The following KIF15 variants were observed in gnomAD, a reference collection of about 807,000 sequenced individuals.
KIF15 encodes the protein kinesin family member 15.
In KIF15, 140 loss-of-function variants were observed where a neutral mutation model predicts 190.6. The ratio of observed to expected loss-of-function variants is 0.73; its 90% CI spans 0.64 to 0.84. KIF15 has a LOEUF of 0.84. Among genes scored for constraint, KIF15 ranks in the 40% least tolerant of loss-of-function variants. The pLI is 0.00. For missense variants in KIF15, 1,372 were observed against 1,584.4 expected (o/e 0.87, Z 2.28); for synonymous variants, 528 against 551.3 (o/e 0.96, Z 0.59).
At chr3:44,865,708 A>T (rs1272286981) in intron 6 of KIF15, 1 of 156,316 alleles carries the variant, frequency 6.4e-6, no homozygotes, top group Non-Finnish European at 1.4e-5. Context: ...CTTTGGAGTA[A>T]GAGGGAGCCA....
At position 44,833,039 on chromosome 3, in the gene KIF15, G is replaced by GT. The variant is rs202219418; in HGVS notation, c.3171+2022dup. Reference sequence around the variant, plus strand: ...AAAAAAAAAAAAAAAGAAGATTAAAGTAGACAACAAAAATTAGAATAAAAG... The same window carrying GT: ...AAAAAAAAAAAAAAAGAAGATTAAAGTTAGACAACAAAAATTAGAATAAAAG... On this transcript the variant is annotated intron_variant, in intron 26 of 34. Coordinates refer to ENST00000326047, the MANE Select transcript of KIF15 (RefSeq NM_020242.3). 5.2e-4 allele frequency among the ~76,000 whole-genome samples: 78 copies of GT among 149,716 alleles called. No homozygotes were observed. In the East Asian group the frequency reaches 0.014, roughly 27 times the overall value.
chr3:44,866,856 C>G (rs986191392), intron 6 of KIF15, among the ~76,000 whole-genome samples: 1 of 152,218 alleles, frequency 6.6e-6, no homozygotes, highest in East Asian at 1.9e-4. Flanking sequence ...GTCAGCCATT[C>G]TCAAATCCAC....
intron 6 of KIF15, chr3:44,864,981 G>T (rs1279911804): frequency 8.7e-6 from 14 of 1,604,722 alleles, no homozygotes; most frequent in Non-Finnish European, 1.2e-5. Flanking sequence ...AGTCCCAGGA[G>T]AGTGAGGTTG....
chr3:44,802,790 G>A (rs1707337463), intron 13 of KIF15, 24 bp from the exon 14 acceptor site: 3 of 1,522,868 alleles, frequency 2.0e-6, no homozygotes, highest in Non-Finnish European at 1.8e-6. Context: ...AATATATAAT[G>A]CGTGTAATTC....
chr3:44,779,970 G>A (rs1706089877), intron 4 of KIF15, among the ~76,000 whole-genome samples: 1 of 152,116 alleles, frequency 6.6e-6, no homozygotes. Context: ...TAGTTTTGGG[G>A]GGCATTTAAT....
At position 44,772,376 on chromosome 3, in the gene KIF15, A is replaced by G. The variant is rs146475467; in HGVS notation, c.20-2019A>G. ...AAATGGAATCCATGGAGACTTTTCT[A>G]TTTTTCCCAAGGAGTCTCAGGCCAT... is the stretch of plus-strand genomic sequence containing the variant. On this transcript the variant is annotated intron_variant, in intron 1 of 34. Coordinates refer to ENST00000326047, the MANE Select transcript of KIF15 (RefSeq NM_020242.3). Among the ~76,000 whole-genome samples, 329 of 152,208 alleles carry G rather than the reference A, an allele frequency of 2.2e-3. 1 individual carries two copies. The highest frequency in any genetic ancestry group is 3.5e-3 in the Non-Finnish European group (235 of 68,002).
intron 19 of KIF15, among the ~76,000 whole-genome samples, chr3:44,813,869 C>T (rs1415198525): frequency 4.6e-5 from 7 of 152,124 alleles, no homozygotes; most frequent in Non-Finnish European, 8.8e-5. Flanking sequence ...CCACCCACCT[C>T]GGCCTCCCAA....
intron 20 of KIF15, among the ~76,000 whole-genome samples, chr3:44,821,194 T>A (rs1258715172): frequency 3.6e-5 from 4 of 111,066 alleles, no homozygotes; most frequent in African/African-American, 1.4e-4. Context: ...CACTTCCCAG[T>A]AGGGGCGGCT....
intron 6 of KIF15, 54 bp from the exon 7 acceptor site, chr3:44,786,341 A>T: frequency 7.0e-7 from 1 of 1,424,960 alleles, no homozygotes; most frequent in South Asian, 1.5e-5. Context: ...GCTCATGAAA[A>T]CTAGGTATGA....
intron 7 of KIF15, among the ~76,000 whole-genome samples, chr3:44,789,645 TATATATATATATATATATATATATA>T (rs1706579606): frequency 3.3e-4 from 1 of 3,026 alleles, no homozygotes; most frequent in Non-Finnish European, 5.6e-4. Flanking sequence ...TCTAATTTTA[TATATATATATATATATATATATATA>T]TATATATATA....
intron 30 of KIF15, among the ~76,000 whole-genome samples, chr3:44,843,595 G>A (rs1007300415): frequency 1.3e-5 from 2 of 152,182 alleles, no homozygotes; most frequent in African/African-American, 4.8e-5. Flanking sequence ...GCTTTGCTTC[G>A]TAACTCATGG....
chr3:44,772,927 G>A (rs1007574901), intron 1 of KIF15, among the ~76,000 whole-genome samples: 4 of 152,084 alleles, frequency 2.6e-5, no homozygotes, highest in Non-Finnish European at 4.4e-5. Flanking sequence ...CCAGTTTGCC[G>A]GGCTGGTTTG....
chr3:44,762,436 TTCTCTTTTTCA>T (rs2125884923), intron 1 of KIF15, among the ~76,000 whole-genome samples: 1 of 152,360 alleles, frequency 6.6e-6, no homozygotes, highest in Admixed American at 6.5e-5. Flanking sequence ...TCCGATTTCT[TTCTCTTTTTCA>T]CGGAGGAGAG....
chr3:44,818,796 T>C (rs1390598039), intron 20 of KIF15, among the ~76,000 whole-genome samples: 1 of 152,226 alleles, frequency 6.6e-6, no homozygotes, highest in East Asian at 1.9e-4. Flanking sequence ...TTCTATTGAT[T>C]GGAATAGTTT....
intron 20 of KIF15, among the ~76,000 whole-genome samples, chr3:44,815,712 GTTTATTC>G (rs1176348829): frequency 2.0e-5 from 3 of 152,148 alleles, no homozygotes; most frequent in African/African-American, 7.2e-5. Context: ...CATCTAAATA[GTTTATTC>G]TTTGTTATTT....
chr3:44,806,202 C>G (rs985789343), intron 16 of KIF15, among the ~76,000 whole-genome samples: 2 of 152,192 alleles, frequency 1.3e-5, no homozygotes, highest in African/African-American at 4.8e-5. Context: ...CATTTGCAAT[C>G]AAATTCGAAT....
chr3:44,821,383 C>A (rs1196308947), intron 20 of KIF15, among the ~76,000 whole-genome samples: 1 of 151,000 alleles, frequency 6.6e-6, no homozygotes, highest in African/African-American at 2.4e-5. Flanking sequence ...GGCTTCCGGG[C>A]GGAGGGGCTC....
At position 44,830,755 on chromosome 3, in the gene KIF15, C is replaced by G. The variant is rs756982302; in HGVS notation, c.3049-141C>G. 311 of 800,224 alleles carry G rather than the reference C, an allele frequency of 3.9e-4. 1 individual carries two copies. Among genetic ancestry groups the G allele is most frequent in the Non-Finnish European group, 4.6e-4 (243 of 525,336 alleles). The allele number at this position is 800,224 out of a possible 1,614,324, so 49.6% of individuals were successfully genotyped here. A position where few individuals can be genotyped will look rare whatever the true frequency, so the allele number is the denominator to read the frequency against. Reference sequence around the variant, plus strand: ...CTTCACCATTCATGCACTTATTCTTCTATTCCTTCAGTCAGCAAGTATTTA... The same window carrying G: ...CTTCACCATTCATGCACTTATTCTTGTATTCCTTCAGTCAGCAAGTATTTA... On this transcript the variant is annotated intron_variant, in intron 25 of 34. Coordinates refer to ENST00000326047, the MANE Select transcript of KIF15 (RefSeq NM_020242.3).
intron 24 of KIF15, among the ~76,000 whole-genome samples, chr3:44,829,344 G>A (rs1226856066): frequency 1.2e-4 from 18 of 148,040 alleles, no homozygotes; most frequent in South Asian, 4.2e-4. Context: ...GCAACACAGC[G>A]AGACTCCATC....
Sources: gnomAD v4.1 joint callset for allele counts (sites outside exome capture counted in the v4.1 genomes callset) on GRCh38, gnomAD v4.1.1 for gene constraint, MANE v1.5 for transcripts, NCBI Gene and HGNC (gene_info 2026-07-23, HGNC 2026-07-21) for gene names.